EEFSEC: variants seen among roughly 807,000 people sequenced by gnomAD.
EEFSEC encodes the protein eukaryotic elongation factor, selenocysteine-tRNA specific, also known as selenocysteine-specific elongation factor.
In EEFSEC, 43 loss-of-function variants were observed where a neutral mutation model predicts 42.1. That is an observed-to-expected ratio of 1.02 (90% CI 0.80 to 1.32). The LOEUF is 1.32. Among genes scored for constraint, EEFSEC ranks in the 40% most tolerant of loss-of-function variants. The pLI, the probability that EEFSEC is intolerant of heterozygous loss-of-function variation, is 0.00. For synonymous variants in EEFSEC, 354 were observed against 339.1 expected (o/e 1.04, Z -0.48); for missense variants, 745 against 803.6 (o/e 0.93, Z 0.88).
intron 6 of EEFSEC, among the ~76,000 whole-genome samples, chr3:128,372,853 T>C (rs984274384): frequency 7.2e-5 from 11 of 152,200 alleles, no homozygotes; most frequent in African/African-American, 2.7e-4. Flanking sequence ...TGACTATACG[T>C]AAACAAGGTA....
chr3:128,322,336 C>T (rs1431327576), intron 4 of EEFSEC, among the ~76,000 whole-genome samples: 1 of 152,214 alleles, frequency 6.6e-6, no homozygotes, highest in Non-Finnish European at 1.5e-5. Flanking sequence ...ACCTGGGAGC[C>T]CCTCAGTGTG....
intron 6 of EEFSEC, among the ~76,000 whole-genome samples, chr3:128,405,020 T>C (rs964050842): frequency 6.6e-6 from 1 of 150,856 alleles, no homozygotes; most frequent in African/African-American, 2.4e-5. Context: ...CTTGTCACTT[T>C]TTTTTTTTTT....
At chr3:128,186,193 A>G (rs2065463294) in intron 1 of EEFSEC, among the ~76,000 whole-genome samples, 1 of 152,154 alleles carries the variant, frequency 6.6e-6, no homozygotes, top group South Asian at 2.1e-4. Flanking sequence ...GGTGAGTGAT[A>G]TTTAGCATCT....
chr3:128,376,255 A>G (rs1388004744), intron 6 of EEFSEC, among the ~76,000 whole-genome samples: 1 of 152,178 alleles, frequency 6.6e-6, no homozygotes, highest in Non-Finnish European at 1.5e-5. Context: ...CTGCATCCCC[A>G]AGGAAAACCA....
Position 128,264,699 on chromosome 3 carries a change from A to G in EEFSEC, c.704A>G (p.Lys235Arg), listed in dbSNP as rs1317697087. The G allele has an allele frequency of 6.2e-7, 1 of 1,613,968 alleles. No homozygotes were observed. The highest frequency in any genetic ancestry group is 2.2e-5 in the East Asian group (1 of 44,870). ...TCTGTGGACCACTGTTTCTCCATCA[A>G]AGGCCAAGGCACTGTGATGACAGGG... Reference protein sequence around the residue: ...LMSVDHCFSIKGQGTVMTGTI... With the variant: ...LMSVDHCFSIRGQGTVMTGTI... Residue 235 changes from lysine (K) to arginine (R), a missense_variant, in exon 4 of 7, where the codon AAA becomes AGA. Physicochemically the swap from Lys to Arg is conservative, Grantham distance 26 (BLOSUM62 2). Coordinates refer to ENST00000254730, the MANE Select transcript of EEFSEC (RefSeq NM_021937.5).
chr3:128,180,215 C>T (rs929217676), intron 1 of EEFSEC, among the ~76,000 whole-genome samples: 13 of 152,132 alleles, frequency 8.5e-5, no homozygotes, highest in Admixed American at 6.5e-4. Context: ...CTCATCAGAT[C>T]GAGTACTTAA....
chr3:128,306,218 A>C (rs2108011878), intron 4 of EEFSEC, among the ~76,000 whole-genome samples: 1 of 152,298 alleles, frequency 6.6e-6, no homozygotes, highest in Admixed American at 6.5e-5. Flanking sequence ...TAAAAAGAAG[A>C]GTTATTCTGT....
intron 4 of EEFSEC, among the ~76,000 whole-genome samples, chr3:128,294,035 T>C (rs2066676123): frequency 6.6e-6 from 1 of 152,224 alleles, no homozygotes; most frequent in Non-Finnish European, 1.5e-5. Context: ...GTGAGAAGTC[T>C]GCTCCCTACC....
At chr3:128,407,964 G>C (rs953719817) in intron 6 of EEFSEC, 105 bp from the exon 7 acceptor site, 4 of 1,111,856 alleles carry the variant, frequency 3.6e-6, no homozygotes, top group Non-Finnish European at 3.8e-6. Flanking sequence ...ATTGGCTAGG[G>C]AGGGAGGCAG....
rs1043648255 is a variant in EEFSEC, at chr3:128,192,334, G to A, written c.316+38511G>A. Among the ~76,000 whole-genome samples the A allele has an allele frequency of 5.3e-5, 8 of 152,228 alleles. No individual in the cohort carries two copies. The East Asian group carries it at 5.8e-4, about 11-fold the overall frequency. ...TGGTTCTCAGGTGTGCCCCTTTCCC[G>A]ATTTTTCTCTGCGTGCTTAGAGACC... On this transcript the variant is annotated intron_variant, in intron 1 of 6. Coordinates refer to ENST00000254730, the MANE Select transcript of EEFSEC (RefSeq NM_021937.5).
At chr3:128,226,081 C>T (rs2065904457) in intron 1 of EEFSEC, among the ~76,000 whole-genome samples, 1 of 152,250 alleles carries the variant, frequency 6.6e-6, no homozygotes, top group Non-Finnish European at 1.5e-5. Context: ...TGTGGAAACA[C>T]TCGTTGCCAG....
In EEFSEC at chr3:128,341,530, C is replaced by G; in HGVS notation, c.1084C>G (p.Pro362Ala). ...SPAPDNFDQE[P>A]ILDSFNFSQE... Reference sequence around the variant, plus strand: ...TGCTCCAGATAACTTTGACCAGGAGCCTATACTGGACTCTTTCAACTTCTC... The same window carrying G: ...TGCTCCAGATAACTTTGACCAGGAGGCTATACTGGACTCTTTCAACTTCTC... The change falls in exon 5 of 7, where the codon CCT (proline) becomes GCT (alanine). Residue 362 changes from proline to alanine, a missense_variant. Pro to Ala is a conservative substitution (Grantham distance 27, BLOSUM62 -1). Transcript: ENST00000254730. 1 of 1,614,100 alleles carries G rather than the reference C, an allele frequency of 6.2e-7. No homozygotes were observed. The highest frequency in any genetic ancestry group is 8.5e-7 in the Non-Finnish European group (1 of 1,180,044).
intron 6 of EEFSEC, among the ~76,000 whole-genome samples, chr3:128,390,212 TG>T (rs951882404): frequency 2.6e-5 from 4 of 152,220 alleles, no homozygotes; most frequent in African/African-American, 9.6e-5. Context: ...AAGTGGGACT[TG>T]GGGTCACTCA....
chr3:128,248,423 T>C (rs2066150176), intron 2 of EEFSEC, among the ~76,000 whole-genome samples: 2 of 152,218 alleles, frequency 1.3e-5, no homozygotes, highest in African/African-American at 2.4e-5. Flanking sequence ...AAGCTCCAGC[T>C]CTGTGAATGG....
At chr3:128,313,738 C>T (rs2066915004) in intron 4 of EEFSEC, among the ~76,000 whole-genome samples, 1 of 152,246 alleles carries the variant, frequency 6.6e-6, no homozygotes, top group South Asian at 2.1e-4. Context: ...GAAGGCCCCT[C>T]ATGTGGACAT....
In EEFSEC at chr3:128,357,619, G is replaced by GCAGC. The variant is rs2067470535; in HGVS notation, c.1444-597_1444-594dup. 2.0e-5 allele frequency among the ~76,000 whole-genome samples: 3 copies of GCAGC among 152,326 alleles called. No homozygotes were observed. The East Asian group carries it at 5.8e-4, about 29-fold the overall frequency. ...TGGGCCACTGTACATAGGGGTGTGTGCAGCGGGTGGGAGACAAAGGCCAGG... is the reference window on the plus strand; with the variant it reads ...TGGGCCACTGTACATAGGGGTGTGTGCAGCCAGCGGGTGGGAGACAAAGGCCAGG... On this transcript the variant is annotated intron_variant, in intron 5 of 6. Coordinates refer to ENST00000254730, the MANE Select transcript of EEFSEC (RefSeq NM_021937.5).
chr3:128,426,135 C>A, the EEFSEC span, among the ~76,000 whole-genome samples: 2 of 152,206 alleles, frequency 1.3e-5, no homozygotes, highest in African/African-American at 4.8e-5. Context: ...GAGGTTGTCA[C>A]CTGTCTCGCT....
Position 128,346,445 on chromosome 3 carries a change from T to C in EEFSEC, c.1443+4556T>C, listed in dbSNP as rs1201922453. On this transcript the variant is annotated intron_variant, in intron 5 of 6. Coordinates refer to ENST00000254730, the MANE Select transcript of EEFSEC (RefSeq NM_021937.5). ...GTTTTAAGTTTTCTCTTTTTTGACATTGTTTTTCTGTGAGATGGGAATATC... is the reference window on the plus strand; with the variant it reads ...GTTTTAAGTTTTCTCTTTTTTGACACTGTTTTTCTGTGAGATGGGAATATC... Among the ~76,000 whole-genome samples, 7 of 152,230 alleles carry C rather than the reference T, an allele frequency of 4.6e-5. No homozygotes were observed. The East Asian group carries it at 1.2e-3, about 25-fold the overall frequency.
At chr3:128,193,822 C>G (rs1042446640) in intron 1 of EEFSEC, among the ~76,000 whole-genome samples, 4 of 152,202 alleles carry the variant, frequency 2.6e-5, no homozygotes, top group Non-Finnish European at 5.9e-5. Context: ...CTTTGCCTTC[C>G]TCCCTCCAGA....
Sources: allele counts gnomAD v4.1 joint callset (sites outside exome capture counted in the v4.1 genomes callset), GRCh38; gene constraint gnomAD v4.1.1; transcripts MANE v1.5; gene names NCBI Gene and HGNC (gene_info 2026-07-23, HGNC 2026-07-21).